Variants in INPP4B observed in about 807,000 individuals in gnomAD.
The protein encoded by INPP4B is inositol polyphosphate 4-phosphatase type II.
INPP4B carries 55 observed loss-of-function variants against 122.5 expected under a neutral mutation model. The observed-to-expected ratio is 0.45, with a 90% confidence interval of 0.36 to 0.56. INPP4B has a LOEUF of 0.56. INPP4B is among the 20% of genes least tolerant of loss of function. INPP4B has a pLI of 0.00. For missense variants in INPP4B, 1,000 were observed against 1,097.7 expected (o/e 0.91, Z 1.26); for synonymous variants, 403 against 388.7 (o/e 1.04, Z -0.43).
chr4:142,648,396 G>A (rs546982212), intron 2 of INPP4B, among the ~76,000 whole-genome samples: 77 of 152,292 alleles, frequency 5.1e-4, no homozygotes, highest in African/African-American at 1.8e-3. Context: ...CAAGGGGTTG[G>A]GGTATTTCCC....
intron 1 of INPP4B, among the ~76,000 whole-genome samples, chr4:142,794,738 G>A (rs889733909): frequency 2.6e-5 from 4 of 151,700 alleles, no homozygotes; most frequent in African/African-American, 4.8e-5. Context: ...AAGCTCATAT[G>A]CCAATCAATT....
chr4:142,393,163 T>A (rs1798274449), intron 7 of INPP4B, among the ~76,000 whole-genome samples: 1 of 152,036 alleles, frequency 6.6e-6, no homozygotes, highest in Admixed American at 6.5e-5. Flanking sequence ...CCCCAAATGA[T>A]GGTAACTGAG....
At chr4:142,303,047 A>G (rs1015012662) in intron 9 of INPP4B, among the ~76,000 whole-genome samples, 1 of 152,016 alleles carries the variant, frequency 6.6e-6, no homozygotes, top group East Asian at 1.9e-4. Flanking sequence ...AAAATACACA[A>G]CATCATATTT....
At chr4:142,681,048 C>G (rs1451412901) in intron 2 of INPP4B, among the ~76,000 whole-genome samples, 1 of 151,798 alleles carries the variant, frequency 6.6e-6, no homozygotes, top group Non-Finnish European at 1.5e-5. Flanking sequence ...CCGTCAAGAC[C>G]CATTTATACG....
At chr4:142,391,414 T>C (rs1227218556) in intron 7 of INPP4B, among the ~76,000 whole-genome samples, 1 of 151,914 alleles carries the variant, frequency 6.6e-6, no homozygotes, top group East Asian at 1.9e-4. Context: ...CACAAAAAAA[T>C]AGCCGGGTGT....
At chr4:142,280,719 A>G (rs1233827285) in intron 9 of INPP4B, among the ~76,000 whole-genome samples, 1 of 152,104 alleles carries the variant, frequency 6.6e-6, no homozygotes, top group Non-Finnish European at 1.5e-5. Context: ...CTCCGATAAT[A>G]AATCAATACC....
chr4:142,691,218 A>G (rs1303480461), intron 2 of INPP4B, among the ~76,000 whole-genome samples: 1 of 152,202 alleles, frequency 6.6e-6, no homozygotes, highest in Non-Finnish European at 1.5e-5. Flanking sequence ...GCCCAGTGAG[A>G]AAACTCAAAG....
chr4:142,407,868 C>T (rs771141405), intron 5 of INPP4B, among the ~76,000 whole-genome samples: 1 of 151,972 alleles, frequency 6.6e-6, no homozygotes, highest in African/African-American at 2.4e-5. Flanking sequence ...GGAAATTGGG[C>T]CTTTTTATAA....
chr4:142,699,191 G>A (rs970151029), intron 2 of INPP4B, among the ~76,000 whole-genome samples: 2 of 152,112 alleles, frequency 1.3e-5, no homozygotes, highest in African/African-American at 2.4e-5. Flanking sequence ...CTATTTCATT[G>A]TGGTTTATTG....
chr4:142,169,055 T>C (rs997565998), intron 16 of INPP4B, among the ~76,000 whole-genome samples: 3 of 151,656 alleles, frequency 2.0e-5, no homozygotes, highest in African/African-American at 7.3e-5. Flanking sequence ...TCCATGTTAA[T>C]CCATCATAAA....
chr4:142,695,711 CA>C (rs1760929979), intron 2 of INPP4B, among the ~76,000 whole-genome samples: 1 of 152,144 alleles, frequency 6.6e-6, no homozygotes, highest in Non-Finnish European at 1.5e-5. Flanking sequence ...GAATTTAAAT[CA>C]GTTATATAAT....
chr4:142,654,584 T>C (rs1753780304), intron 2 of INPP4B: 1 of 152,202 alleles, frequency 6.6e-6, no homozygotes, highest in Non-Finnish European at 1.5e-5. Flanking sequence ...CTTGCTTGAT[T>C]ACATTTTTCT....
chr4:142,351,262 A>G (rs574857232), intron 7 of INPP4B, among the ~76,000 whole-genome samples: 7 of 152,062 alleles, frequency 4.6e-5, no homozygotes, highest in African/African-American at 1.7e-4. Flanking sequence ...TCTAAGTTTT[A>G]ATAACTCCAA....
At chr4:142,313,194 T>C (rs922651027) in intron 8 of INPP4B, among the ~76,000 whole-genome samples, 31 of 150,156 alleles carry the variant, frequency 2.1e-4, no homozygotes, top group African/African-American at 7.6e-4. Context: ...GAGAAAAAAA[T>C]TGGAGAAATC....
intron 2 of INPP4B, chr4:142,474,511 A>C (rs1819488565): frequency 6.6e-6 from 1 of 152,270 alleles, no homozygotes; most frequent in African/African-American, 2.4e-5. Flanking sequence ...GACCCCACCC[A>C]CTCCCACTGC....
At chr4:142,196,999 AC>A (rs1838523922) in intron 14 of INPP4B, among the ~76,000 whole-genome samples, 1 of 151,454 alleles carries the variant, frequency 6.6e-6, no homozygotes, top group South Asian at 2.1e-4. Flanking sequence ...GGTGGCAGGC[AC>A]CTGTAATCTC....
At chr4:142,222,079 C>G (rs947158928) in intron 12 of INPP4B, among the ~76,000 whole-genome samples, 4 of 152,252 alleles carry the variant, frequency 2.6e-5, no homozygotes, top group African/African-American at 7.2e-5. Flanking sequence ...CCTGGCTCAG[C>G]CTCCCAAGTA....
chr4:142,041,750 C>A (rs3822129), intron 25 of INPP4B, among the ~76,000 whole-genome samples: 2 of 151,972 alleles, frequency 1.3e-5, no homozygotes, highest in Non-Finnish European at 2.9e-5. Context: ...TATTGAAATG[C>A]CTCAGGATTC....
At chr4:142,459,877 A>G (rs1276528341) in intron 3 of INPP4B, among the ~76,000 whole-genome samples, 1 of 152,208 alleles carries the variant, frequency 6.6e-6, no homozygotes, top group Non-Finnish European at 1.5e-5. Flanking sequence ...ATTGGAGTTT[A>G]AATCTGGATA....
Sources: allele counts gnomAD v4.1 joint callset (sites outside exome capture counted in the v4.1 genomes callset), GRCh38; gene constraint gnomAD v4.1.1; transcripts MANE v1.5; gene names NCBI Gene and HGNC (gene_info 2026-07-23, HGNC 2026-07-21).